The following GALNT18 variants were observed in gnomAD, a reference collection of about 807,000 sequenced individuals.
The protein encoded by GALNT18 is GalNAc-transferase 18.
A neutral mutation model predicts 69.5 loss-of-function variants in GALNT18; 44 were observed. The observed-to-expected ratio is 0.63, with a 90% confidence interval of 0.50 to 0.81. The LOEUF is 0.81. Among genes scored for constraint, GALNT18 ranks in the 40% least tolerant of loss-of-function variants. The probability of loss-of-function intolerance (pLI) is 0.00; values close to 1 mark genes in which losing one functional copy is unlikely to be tolerated. For missense variants in GALNT18, 715 were observed against 810.0 expected (o/e 0.88, Z 1.42); for synonymous variants, 364 against 318.2 (o/e 1.14, Z -1.53).
chr11:11,414,160 C>T (rs543377085), intron 3 of GALNT18, among the ~76,000 whole-genome samples: 6 of 152,248 alleles, frequency 3.9e-5, no homozygotes, highest in South Asian at 2.1e-4. Context: ...TCATGTCTTG[C>T]CTGAAGCATC....
In GALNT18 at chr11:11,425,806, G is replaced by A. The variant is rs141210350; in HGVS notation, c.595+6815C>T. Among the ~76,000 whole-genome samples, 423 of 152,292 alleles carry A rather than the reference G, an allele frequency of 2.8e-3. 3 individuals are homozygous for A. The highest frequency in any genetic ancestry group is 4.7e-3 in the Non-Finnish European group (320 of 68,020). ...TAGCCAGGCACTCAGCACAAAACAC[G>A]TGGCCACCAAAAACCTGTTGAAGGA... On this transcript the variant is annotated intron_variant, in intron 3 of 10. Coordinates refer to ENST00000227756, the MANE Select transcript of GALNT18 (RefSeq NM_198516.3).
chr11:11,372,569 C>T lies in GALNT18; in HGVS notation c.1038G>A (p.Leu346=). 5 of 1,614,232 alleles carry T rather than the reference C, an allele frequency of 3.1e-6. No individual in the cohort carries two copies. The highest frequency in any genetic ancestry group is 4.2e-6 in the Non-Finnish European group (5 of 1,180,036). ...VDRQYFQEIG[L]LDEGMEVYGG... is the part of the protein sequence containing the mutation. ...CGTAGACTTCCATGCCTTCGTCCAGCAGGCCGATCTCCTGGAAGTACTGCC... is the reference window on the plus strand; with the variant it reads ...CGTAGACTTCCATGCCTTCGTCCAGTAGGCCGATCTCCTGGAAGTACTGCC... The change falls in exon 6 of 11, where the codon CTG becomes CTA. Residue 346 remains leucine, a synonymous_variant. Coordinates refer to ENST00000227756, the MANE Select transcript of GALNT18 (RefSeq NM_198516.3). The surrounding 1 kb of genome is among the most constrained non-coding windows in gnomAD (Gnocchi z 4.9).
At chr11:11,455,327 G>A (rs1855902149) in intron 1 of GALNT18, among the ~76,000 whole-genome samples, 1 of 152,112 alleles carries the variant, frequency 6.6e-6, no homozygotes, top group African/African-American at 2.4e-5. Context: ...CTCTGATCAA[G>A]GGTATATAAG....
In GALNT18 at chr11:11,473,553, G is replaced by A. The variant is rs147275445; in HGVS notation, c.236-24617C>T. Among the ~76,000 whole-genome samples the A allele has an allele frequency of 2.3e-4, 35 of 152,104 alleles. No homozygotes were observed. The East Asian group carries it at 4.7e-3, about 20-fold the overall frequency. Reference sequence around the variant, plus strand: ...CCTAAAGATGGCAGAGTGTGCAGACGGTGCAGAGTGAAATATGTGAGCTTC... The same window carrying A: ...CCTAAAGATGGCAGAGTGTGCAGACAGTGCAGAGTGAAATATGTGAGCTTC... On this transcript the variant is annotated intron_variant, in intron 1 of 10. Coordinates refer to ENST00000227756, the MANE Select transcript of GALNT18 (RefSeq NM_198516.3).
chr11:11,560,156 G>GGATAGGATGGAATAGAAT (rs1858463896), intron 1 of GALNT18, among the ~76,000 whole-genome samples: 1 of 150,154 alleles, frequency 6.7e-6, no homozygotes. Flanking sequence ...GGATATGATG[G>GGATAGGATGGAATAGAAT]GATGTATGGG....
chr11:11,386,550 T>C (rs1854062133), intron 3 of GALNT18, among the ~76,000 whole-genome samples: 1 of 152,250 alleles, frequency 6.6e-6, no homozygotes, highest in Non-Finnish European at 1.5e-5. Context: ...GGATGTGTGT[T>C]TGATGGCTTA....
intron 1 of GALNT18, among the ~76,000 whole-genome samples, chr11:11,460,548 T>C (rs906896191): frequency 2.0e-5 from 3 of 152,204 alleles, no homozygotes; most frequent in African/African-American, 7.2e-5. Flanking sequence ...GCCTTATCTC[T>C]GCCCACTCCT....
intron 9 of GALNT18, among the ~76,000 whole-genome samples, chr11:11,316,324 A>G (rs745609457): frequency 6.6e-6 from 1 of 152,194 alleles, no homozygotes; most frequent in African/African-American, 2.4e-5. Flanking sequence ...GGCCACAGAG[A>G]AGTGGCTAGA....
At position 11,463,284 on chromosome 11, in the gene GALNT18, AAC is replaced by A. The variant is rs1307624501; in HGVS notation, c.236-14350_236-14349del. On this transcript the variant is annotated intron_variant, in intron 1 of 10. Transcript: ENST00000227756. The surrounding 1 kb of genome is among the most constrained non-coding windows in gnomAD (Gnocchi z 4.2). The stretch of plus-strand genomic sequence containing the variant: ...GCAGCCTACAAAAGCTCATCCTGAA[AAC>A]AGATTCTTCTAGTCCCAAGTGGTTG... Among the ~76,000 whole-genome samples the A allele has an allele frequency of 2.0e-5, 3 of 152,142 alleles. No homozygotes were observed. The highest frequency in any genetic ancestry group is 4.4e-5 in the Non-Finnish European group (3 of 68,030).
chr11:11,558,529 C>T (rs1194656025), intron 1 of GALNT18, among the ~76,000 whole-genome samples: 5 of 152,242 alleles, frequency 3.3e-5, no homozygotes, highest in Admixed American at 3.3e-4. Flanking sequence ...AGGCCTGAGG[C>T]AAGCTGCACA....
chr11:11,504,760 A>AATATAT (rs35308753), intron 1 of GALNT18, among the ~76,000 whole-genome samples: 13 of 149,710 alleles, frequency 8.7e-5, no homozygotes, highest in African/African-American at 2.5e-4. Flanking sequence ...CCCATCTCAA[A>AATATAT]ATATATATAT....
chr11:11,407,698 T>C (rs1854622194), intron 3 of GALNT18, among the ~76,000 whole-genome samples: 2 of 152,142 alleles, frequency 1.3e-5, no homozygotes, highest in African/African-American at 4.8e-5. Flanking sequence ...CAAAACTTTA[T>C]TTGGCCACTG....
Position 11,413,506 on chromosome 11 carries a change from A to T in GALNT18, c.595+19115T>A, listed in dbSNP as rs2133760985. Among the ~76,000 whole-genome samples, 1 of 152,206 alleles carries T rather than the reference A, an allele frequency of 6.6e-6. No homozygotes were observed. Among genetic ancestry groups the T allele is most frequent in the African/African-American group, 2.4e-5 (1 of 41,540 alleles). ...CCCTCAGGCCCCTTAACAACATTAG[A>T]CTGCAATTTCAGGTTTATATAATTT... On this transcript the variant is annotated intron_variant, in intron 3 of 10. Coordinates refer to ENST00000227756, the MANE Select transcript of GALNT18 (RefSeq NM_198516.3). This position sits in a 1 kb window ranked among gnomAD's most constrained non-coding sequence, Gnocchi z 4.7.
chr11:11,342,685 G>T (rs1850230583), intron 6 of GALNT18, among the ~76,000 whole-genome samples: 1 of 152,178 alleles, frequency 6.6e-6, no homozygotes, highest in Non-Finnish European at 1.5e-5. Flanking sequence ...TATGTGCCAG[G>T]CACTGGACTG....
chr11:11,581,489 A>T (rs1028035539), intron 1 of GALNT18, among the ~76,000 whole-genome samples: 2 of 152,074 alleles, frequency 1.3e-5, no homozygotes, highest in Non-Finnish European at 2.9e-5. Flanking sequence ...CCAAGCAAGG[A>T]CAGGGGCACG....
At chr11:11,534,630 C>T (rs1298427558) in intron 1 of GALNT18, among the ~76,000 whole-genome samples, 1 of 152,256 alleles carries the variant, frequency 6.6e-6, no homozygotes, top group African/African-American at 2.4e-5. Flanking sequence ...ATTACCACCC[C>T]TCCTGCCATT....
intron 7 of GALNT18, among the ~76,000 whole-genome samples, chr11:11,335,380 T>C (rs1850094331): frequency 6.6e-6 from 1 of 152,256 alleles, no homozygotes; most frequent in Non-Finnish European, 1.5e-5. Context: ...ATATCTGCCC[T>C]GTGTGTTTAC....
In GALNT18 at chr11:11,273,941, C is replaced by T. The variant is rs368821094; in HGVS notation, c.1678-2651G>A. On this transcript the variant is annotated intron_variant, in intron 10 of 10. Transcript: ENST00000227756. ...CCGGTCTGCAGCTCTAAGAGAGATCCATGCAGAAGGCGGGTGATTTCTGCG... is the reference window on the plus strand; with the variant it reads ...CCGGTCTGCAGCTCTAAGAGAGATCTATGCAGAAGGCGGGTGATTTCTGCG... Among the ~76,000 whole-genome samples, 39 of 152,260 alleles carry T rather than the reference C, an allele frequency of 2.6e-4. No homozygotes were observed. In the East Asian group the frequency reaches 2.9e-3, roughly 11 times the overall value.
rs1313776463 is a variant in GALNT18, at chr11:11,432,220, A to G, written c.595+401T>C. 6.6e-6 allele frequency among the ~76,000 whole-genome samples: 1 copy of G among 152,204 alleles called. No individual in the cohort carries two copies. The highest frequency in any genetic ancestry group is 2.4e-5 in the African/African-American group (1 of 41,448). ...CACCAGCACCATCATCACCACTGCC[A>G]CTGCTAACATAACACCAGTGAACAA... On this transcript the variant is annotated intron_variant, in intron 3 of 10. Transcript: ENST00000227756. The surrounding 1 kb of genome is among the most constrained non-coding windows in gnomAD (Gnocchi z 5.8).
Sources: allele counts gnomAD v4.1 joint callset (sites outside exome capture counted in the v4.1 genomes callset), GRCh38; gene constraint gnomAD v4.1.1; non-coding constraint Gnocchi (gnomAD v3.1); transcripts MANE v1.5; gene names NCBI Gene and HGNC (gene_info 2026-07-23, HGNC 2026-07-21).